FBXW11: variants seen among roughly 807,000 people sequenced by gnomAD.
FBXW11 encodes F-box and WD repeat domain containing 11.
FBXW11 carries 19 observed loss-of-function variants against 77.6 expected under a neutral mutation model. The observed-to-expected ratio is 0.24, with a 90% CI of 0.17 to 0.36. FBXW11 has a LOEUF of 0.36. Among genes scored for constraint, FBXW11 ranks in the 10% least tolerant of loss-of-function variants. The pLI, the probability that FBXW11 is intolerant of heterozygous loss-of-function variation, is 1.00. For synonymous variants in FBXW11, 235 were observed against 249.4 expected (o/e 0.94, Z 0.54); for missense variants, 334 against 704.2 (o/e 0.47, Z 5.95).
chr5:171,917,292 C>A (rs965024415), intron 2 of FBXW11, among the ~76,000 whole-genome samples: 9 of 152,134 alleles, frequency 5.9e-5, no homozygotes, highest in African/African-American at 1.7e-4. Flanking sequence ...CTATTGTGAC[C>A]TAAACCACCT....
Position 171,878,592 on chromosome 5 carries a change from A to AGAG in FBXW11, c.853-464_853-463insCTC, listed in dbSNP as rs1561640297. On this transcript the variant is annotated intron_variant, in intron 7 of 13. Coordinates refer to ENST00000517395, the MANE Select transcript of FBXW11 (RefSeq NM_001378974.1). ...TGTGTGTGTGTGTGTGTGTGTGTGTAAGAGAGAGAGAGTGTGTGTGTGTGT... is the reference window on the plus strand; with the variant it reads ...TGTGTGTGTGTGTGTGTGTGTGTGTAGAGAGAGAGAGAGAGTGTGTGTGTGTGT... Among the ~76,000 whole-genome samples the AGAG allele has an allele frequency of 2.6e-3, 347 of 132,998 alleles. 5 individuals are homozygous for AGAG. The highest frequency in any genetic ancestry group is 0.012 in the South Asian group (52 of 4,296). The allele number at this position is 132,998 out of a possible 152,430, so 87.3% of individuals were successfully genotyped here. A position where few individuals can be genotyped will look rare whatever the true frequency, so the allele number is the denominator to read the frequency against.
intron 1 of FBXW11, among the ~76,000 whole-genome samples, chr5:171,959,864 A>C (rs1363981578): frequency 6.6e-6 from 1 of 151,900 alleles, no homozygotes; most frequent in Non-Finnish European, 1.5e-5. Context: ...AAAAAAAAGA[A>C]AAGAAAAGAA....
At chr5:171,969,893 C>A (rs1377299807) in intron 1 of FBXW11, among the ~76,000 whole-genome samples, 1 of 152,140 alleles carries the variant, frequency 6.6e-6, no homozygotes, top group Non-Finnish European at 1.5e-5. Flanking sequence ...TCAGTAGAGA[C>A]GGGGTTTCAC....
chr5:171,953,614 G>T (rs1763464550), intron 2 of FBXW11, among the ~76,000 whole-genome samples: 1 of 152,050 alleles, frequency 6.6e-6, no homozygotes, highest in African/African-American at 2.4e-5. Context: ...TTAAAAAATG[G>T]ATTTCATACC....
intron 7 of FBXW11, 144 bp downstream of exon 7, chr5:171,891,323 G>C (rs1759331649): frequency 1.5e-6 from 1 of 652,466 alleles, no homozygotes. Context: ...TCTGGCTCTA[G>C]TTCTTTAGAA....
chr5:171,938,348 C>T lies in FBXW11; in HGVS notation c.147+19249G>A, dbSNP rs566965598. Among the ~76,000 whole-genome samples the T allele has an allele frequency of 3.4e-3, 517 of 152,336 alleles. 3 individuals are homozygous for T. Among genetic ancestry groups the T allele is most frequent in the African/African-American group, 0.011 (451 of 41,584 alleles). ...AAATCACTGCGGTTACAGGCGTGAG[C>T]CACTGCACCTGGCCATAAACAGATT... On this transcript the variant is annotated intron_variant, in intron 2 of 13. Transcript: ENST00000517395.
Position 171,876,593 on chromosome 5 carries a change from G to C in FBXW11, c.972-59C>G. ...ATGGAGACAGCCAGGAAATGATTCT[G>C]GTATCTGAGCTCTGTCTGGGTCTGC... On this transcript the variant is annotated intron_variant, in intron 8 of 13. Transcript: ENST00000517395. This position sits in a 1 kb window ranked among gnomAD's most constrained non-coding sequence, Gnocchi z 4.2. 6.3e-7 allele frequency: 1 copy of C among 1,587,590 alleles called. No individual in the cohort carries two copies. The highest frequency in any genetic ancestry group is 8.6e-7 in the Non-Finnish European group (1 of 1,162,116).
At chr5:171,899,758 C>G (rs1162919616) in intron 5 of FBXW11, among the ~76,000 whole-genome samples, 156 bp downstream of exon 5, 3 of 152,108 alleles carry the variant, frequency 2.0e-5, no homozygotes, top group East Asian at 1.9e-4. Context: ...GAAATTTTAA[C>G]AGCTTTAACT....
chr5:171,913,830 C>CACACACACACAT (rs1561677727), intron 3 of FBXW11, among the ~76,000 whole-genome samples: 5 of 123,492 alleles, frequency 4.0e-5, no homozygotes, highest in Admixed American at 2.5e-4. Context: ...CACACACACA[C>CACACACACACAT]ACACACACAC....
intron 4 of FBXW11, among the ~76,000 whole-genome samples, chr5:171,905,433 C>T (rs1007340295): frequency 3.3e-5 from 5 of 152,166 alleles, no homozygotes; most frequent in African/African-American, 1.2e-4. Context: ...ACGTAAAGAG[C>T]TAGGTAAATA....
chr5:171,900,171 G>C (rs1760016754), intron 4 of FBXW11, 71 bp from the exon 5 acceptor site: 1 of 1,322,392 alleles, frequency 7.6e-7, no homozygotes, highest in Non-Finnish European at 1.0e-6. Flanking sequence ...TTTCCTTAAA[G>C]ATAAGAGGAA....
intron 10 of FBXW11, among the ~76,000 whole-genome samples, chr5:171,871,319 A>G (rs1463732267): frequency 6.6e-6 from 1 of 152,148 alleles, no homozygotes; most frequent in East Asian, 1.9e-4. Context: ...AGGAGATATC[A>G]CGTACAGCCA....
chr5:171,913,072 A>G (rs568755937), intron 3 of FBXW11, among the ~76,000 whole-genome samples: 15 of 152,310 alleles, frequency 9.8e-5, no homozygotes, highest in African/African-American at 2.4e-4. Flanking sequence ...CAAAATCTCA[A>G]AAGTGCCTTA....
chr5:172,002,804 C>T (rs780220424), intron 1 of FBXW11, among the ~76,000 whole-genome samples: 117 of 146,032 alleles, frequency 8.0e-4, no homozygotes, highest in Middle Eastern at 3.6e-3. Flanking sequence ...CTCAAGCAAT[C>T]CTCCCCACCT....
chr5:171,929,452 T>C (rs766860209), intron 2 of FBXW11, among the ~76,000 whole-genome samples: 3 of 152,198 alleles, frequency 2.0e-5, no homozygotes, highest in Non-Finnish European at 2.9e-5. Flanking sequence ...AGTTTCACTA[T>C]AGTCAATGCA....
Position 171,905,218 on chromosome 5 carries a change from G to C in FBXW11, c.437-5118C>G, listed in dbSNP as rs146030800. Among the ~76,000 whole-genome samples, 4 of 152,256 alleles carry C rather than the reference G, an allele frequency of 2.6e-5. No individual in the cohort carries two copies. In the East Asian group the frequency reaches 7.7e-4, roughly 29 times the overall value. On this transcript the variant is annotated intron_variant, in intron 4 of 13. Coordinates refer to ENST00000517395, the MANE Select transcript of FBXW11 (RefSeq NM_001378974.1). ...AAAAACTAGGTTGCATCTCAGTTCT[G>C]TCAACTGCTAGTTGTGTGACCTTAA...
intron 2 of FBXW11, among the ~76,000 whole-genome samples, chr5:171,942,629 G>A (rs931410846): frequency 8.6e-5 from 13 of 151,936 alleles, no homozygotes; most frequent in Non-Finnish European, 1.3e-4. Flanking sequence ...GTGAAACCCC[G>A]TCTCTACAAA....
intron 1 of FBXW11, among the ~76,000 whole-genome samples, chr5:171,994,245 G>A (rs1338416670): frequency 6.6e-6 from 1 of 152,148 alleles, no homozygotes; most frequent in Non-Finnish European, 1.5e-5. Flanking sequence ...GACTGCCTGG[G>A]TTCATATCTC....
intron 2 of FBXW11, among the ~76,000 whole-genome samples, chr5:171,945,365 G>A (rs942956429): frequency 1.3e-5 from 2 of 152,218 alleles, no homozygotes; most frequent in Admixed American, 6.5e-5. Context: ...TCTACTTTAA[G>A]AGGCAGTAAG....
Sources: allele counts gnomAD v4.1 joint callset (sites outside exome capture counted in the v4.1 genomes callset), GRCh38; gene constraint gnomAD v4.1.1; non-coding constraint Gnocchi (gnomAD v3.1); transcripts MANE v1.5; gene names NCBI Gene and HGNC (gene_info 2026-07-23, HGNC 2026-07-21).